The following AHCYL2 variants were observed in gnomAD, a reference collection of about 807,000 sequenced individuals.
The protein encoded by AHCYL2 is S-adenosylhomocysteine hydrolase-like protein 2.
AHCYL2 carries 28 observed loss-of-function variants against 81.4 expected under a neutral mutation model. The observed-to-expected ratio is 0.34, with a 90% CI of 0.25 to 0.47. AHCYL2 has a LOEUF of 0.47. Among genes scored for constraint, AHCYL2 ranks in the 20% least tolerant of loss-of-function variants. AHCYL2 has a pLI of 1.00. For missense variants in AHCYL2, 551 were observed against 785.1 expected, an observed-to-expected ratio of 0.70 and a Z score of 3.56; for synonymous variants, 272 against 290.2, an observed-to-expected ratio of 0.94 and a Z score of 0.64.
intron 1 of AHCYL2, among the ~76,000 whole-genome samples, chr7:129,230,968 T>C (rs1188715109): frequency 6.6e-6 from 1 of 152,136 alleles, no homozygotes; most frequent in African/African-American, 2.4e-5. Context: ...CGTGTGTTTT[T>C]GTGAGCATTT....
chr7:129,415,432 T>C (rs1279657705), intron 12 of AHCYL2, among the ~76,000 whole-genome samples: 2 of 152,218 alleles, frequency 1.3e-5, no homozygotes, highest in Admixed American at 6.5e-5. Flanking sequence ...ATTTCATCTT[T>C]TTGACGACTC....
chr7:129,288,163 A>G (rs1796704611), intron 1 of AHCYL2, among the ~76,000 whole-genome samples: 1 of 152,106 alleles, frequency 6.6e-6, no homozygotes, highest in Non-Finnish European at 1.5e-5. Flanking sequence ...AGTGCAGTTT[A>G]TTGATTTGTC....
chr7:129,416,029 A>T (rs1796830719), intron 12 of AHCYL2, among the ~76,000 whole-genome samples: 1 of 152,132 alleles, frequency 6.6e-6, no homozygotes. Flanking sequence ...ACAAGAGCGA[A>T]ACTCCATCTC....
intron 12 of AHCYL2, among the ~76,000 whole-genome samples, chr7:129,417,462 G>A (rs1796913620): frequency 6.6e-6 from 1 of 152,208 alleles, no homozygotes; most frequent in African/African-American, 2.4e-5. Flanking sequence ...TTTAAAGGAT[G>A]GCTTTTATTT....
At chr7:129,291,754 A>G (rs1165282336) in intron 1 of AHCYL2, among the ~76,000 whole-genome samples, 3 of 151,796 alleles carry the variant, frequency 2.0e-5, no homozygotes, top group Non-Finnish European at 2.9e-5. Context: ...GGCACCCGCC[A>G]CCATGCCTGG....
intron 1 of AHCYL2, among the ~76,000 whole-genome samples, chr7:129,230,988 G>A (rs1359877635): frequency 6.6e-6 from 1 of 151,968 alleles, no homozygotes; most frequent in African/African-American, 2.4e-5. Flanking sequence ...TATTTTCTGA[G>A]AAAGCAGCCT....
chr7:129,246,062 G>GT (rs71162581), intron 1 of AHCYL2, among the ~76,000 whole-genome samples: 4,162 of 140,640 alleles, frequency 0.03, 70 homozygotes, highest in Admixed American at 0.063. Context: ...TGTTGGATTT[G>GT]TTTTTTTTTT....
intron 1 of AHCYL2, among the ~76,000 whole-genome samples, chr7:129,364,907 C>T (rs1162742750): frequency 2.6e-5 from 4 of 152,038 alleles, no homozygotes; most frequent in Non-Finnish European, 4.4e-5. Context: ...ATAACTAAGC[C>T]TCATAAATAT....
intron 1 of AHCYL2, among the ~76,000 whole-genome samples, chr7:129,285,168 A>C (rs1796585015): frequency 6.6e-6 from 1 of 152,106 alleles, no homozygotes; most frequent in Non-Finnish European, 1.5e-5. Flanking sequence ...TCCCTCGTGT[A>C]TTTATATATG....
intron 1 of AHCYL2, among the ~76,000 whole-genome samples, chr7:129,357,298 A>G (rs1435660339): frequency 6.6e-6 from 1 of 152,224 alleles, no homozygotes; most frequent in Non-Finnish European, 1.5e-5. Context: ...TATTGCACCA[A>G]TGTGAATTTC....
At chr7:129,361,928 A>G (rs753081649) in intron 1 of AHCYL2, among the ~76,000 whole-genome samples, 2 of 152,100 alleles carry the variant, frequency 1.3e-5, no homozygotes, top group Non-Finnish European at 2.9e-5. Flanking sequence ...CAGCAATCCT[A>G]TAGGATAGAT....
intron 1 of AHCYL2, 148 bp from the exon 2 acceptor site, chr7:129,379,490 T>C (rs1794849103): frequency 1.6e-6 from 1 of 607,612 alleles, no homozygotes. Context: ...AAAGTATTCT[T>C]ATCTTCAAAG....
intron 1 of AHCYL2, among the ~76,000 whole-genome samples, chr7:129,273,261 A>G (rs1392611991): frequency 2.0e-5 from 3 of 151,788 alleles, no homozygotes; most frequent in African/African-American, 7.3e-5. Context: ...GATGCTACCA[A>G]TAAAATATGG....
In AHCYL2 at chr7:129,409,687, C is replaced by CGG. The variant is rs1796473472; in HGVS notation, c.1366+141_1366+142insGG. ...GCCCACAAAGCCAGCCAGTCTTTCA[C>CGG]ATTCTTCCTAATTCTTTAGAGCTCC... On this transcript the variant is annotated intron_variant, in intron 11 of 16. Transcript: ENST00000325006. 4 of 676,028 alleles carry CGG rather than the reference C, an allele frequency of 5.9e-6. No homozygotes were observed. In the African/African-American group the frequency reaches 7.3e-5, roughly 12 times the overall value. The allele number at this position is 676,028 out of a possible 1,614,324, so 41.9% of individuals were successfully genotyped here. A position where few individuals can be genotyped will look rare whatever the true frequency, so the allele number is the denominator to read the frequency against.
At chr7:129,379,599 G>A in intron 1 of AHCYL2, 39 bp from the exon 2 acceptor site, 1 of 1,516,696 alleles carries the variant, frequency 6.6e-7, no homozygotes, top group Non-Finnish European at 9.0e-7. Flanking sequence ...TCAAAATGGA[G>A]GTTCTTTTTC....
At chr7:129,310,492 G>A (rs535682008) in intron 1 of AHCYL2, among the ~76,000 whole-genome samples, 91 of 152,308 alleles carry the variant, frequency 6.0e-4, no homozygotes, top group African/African-American at 2.1e-3. Context: ...TTAGAAGCCA[G>A]GGTTGAAGGA....
At chr7:129,414,025 A>G (rs1198534320) in intron 12 of AHCYL2, among the ~76,000 whole-genome samples, 1 of 152,230 alleles carries the variant, frequency 6.6e-6, no homozygotes, top group Non-Finnish European at 1.5e-5. Flanking sequence ...ATGAATGTGA[A>G]TCAGTATGGT....
Position 129,425,246 on chromosome 7 carries a change from T to C in AHCYL2, c.1708+105T>C, listed in dbSNP as rs1797308266. ...TTACTTAAGGATGGGGGAAAAAAGG[T>C]ACCTTCATCTTGTAAAGTAGGAATT... On this transcript the variant is annotated intron_variant, in intron 15 of 16. Coordinates refer to ENST00000325006, the MANE Select transcript of AHCYL2 (RefSeq NM_015328.4). The C allele has an allele frequency of 1.8e-5, 17 of 925,556 alleles. No individual in the cohort carries two copies. In the South Asian group the frequency reaches 2.2e-4, roughly 12 times the overall value. The allele number at this position is 925,556 out of a possible 1,614,324, so 57.3% of individuals were successfully genotyped here. A position where few individuals can be genotyped will look rare whatever the true frequency, so the allele number is the denominator to read the frequency against.
intron 1 of AHCYL2, among the ~76,000 whole-genome samples, chr7:129,330,538 C>G (rs1450106387): frequency 6.6e-6 from 1 of 150,960 alleles, no homozygotes; most frequent in African/African-American, 2.4e-5. Flanking sequence ...TGTCGCCATC[C>G]CAGCTCACTG....
Sources: gnomAD v4.1 joint callset for allele counts (sites outside exome capture counted in the v4.1 genomes callset) on GRCh38, gnomAD v4.1.1 for gene constraint, MANE v1.5 for transcripts, NCBI Gene and HGNC (gene_info 2026-07-23, HGNC 2026-07-21) for gene names.